The following OPCML variants were observed in gnomAD, a reference collection of about 807,000 sequenced individuals.
OPCML encodes the protein opioid-binding protein/cell adhesion molecule.
A neutral mutation model predicts 37.8 loss-of-function variants in OPCML; 13 were observed. The ratio of observed to expected loss-of-function variants is 0.34; its 90% CI spans 0.22 to 0.55. OPCML has a LOEUF of 0.55. OPCML is among the 20% of genes least tolerant of loss of function. The pLI, the probability that OPCML is intolerant of heterozygous loss-of-function variation, is 0.91. For missense variants in OPCML, 341 were observed against 435.6 expected (o/e 0.78, Z 1.93); for synonymous variants, 176 against 168.8 (o/e 1.04, Z -0.33).
At position 132,496,265 on chromosome 11, in the gene OPCML, G is replaced by T. The variant is rs181781623; in HGVS notation, c.505+32796C>A. Among the ~76,000 whole-genome samples the T allele has an allele frequency of 3.6e-3, 547 of 152,314 alleles. 1 individual carries two copies. The highest frequency in any genetic ancestry group is 5.9e-3 in the Non-Finnish European group (399 of 68,032). On this transcript the variant is annotated intron_variant, in intron 4 of 7. Transcript: ENST00000524381. ...TGAAAGTGGTCTCAAGAGTAAAAGTGCTATATGTCTGAAGGGGGAGATGTT... is the reference window on the plus strand; with the variant it reads ...TGAAAGTGGTCTCAAGAGTAAAAGTTCTATATGTCTGAAGGGGGAGATGTT...
intron 2 of OPCML, among the ~76,000 whole-genome samples, chr11:132,819,266 A>C (rs543923352): frequency 6.6e-6 from 1 of 152,202 alleles, no homozygotes; most frequent in South Asian, 2.1e-4. Context: ...ATAATTGAAC[A>C]GGGGAAAAGA....
chr11:133,220,619 A>T (rs1285954819), intron 1 of OPCML, among the ~76,000 whole-genome samples: 2 of 152,154 alleles, frequency 1.3e-5, no homozygotes, highest in Non-Finnish European at 2.9e-5. Context: ...TGTGGTAGCA[A>T]ATGCTCCGTG....
intron 1 of OPCML, among the ~76,000 whole-genome samples, chr11:133,405,449 G>C (rs1045982783): frequency 6.6e-6 from 1 of 152,146 alleles, no homozygotes; most frequent in African/African-American, 2.4e-5. Flanking sequence ...TTTGTGATCT[G>C]TATGTTTAAT....
At chr11:133,255,121 T>C (rs1028197327) in intron 1 of OPCML, among the ~76,000 whole-genome samples, 29 of 152,204 alleles carry the variant, frequency 1.9e-4, no homozygotes, top group Admixed American at 1.3e-4. Context: ...TACACTAACA[T>C]AACTCAACTC....
At chr11:132,846,333 C>T (rs1355425712) in intron 2 of OPCML, among the ~76,000 whole-genome samples, 1 of 152,184 alleles carries the variant, frequency 6.6e-6, no homozygotes, top group Non-Finnish European at 1.5e-5. Context: ...CCTGAAAACA[C>T]TGGTATAAAC....
At chr11:132,977,471 C>T (rs1946489133) in intron 1 of OPCML, among the ~76,000 whole-genome samples, 1 of 152,238 alleles carries the variant, frequency 6.6e-6, no homozygotes, top group Non-Finnish European at 1.5e-5. Context: ...ACTCATATCG[C>T]AGTCACAAAA....
intron 1 of OPCML, among the ~76,000 whole-genome samples, chr11:133,382,728 C>A (rs970465030): frequency 6.6e-6 from 1 of 152,186 alleles, no homozygotes; most frequent in African/African-American, 2.4e-5. Context: ...GCAACGAGGG[C>A]TTTTCCTCCC....
At chr11:133,052,477 CTG>C (rs1948149447) in intron 1 of OPCML, among the ~76,000 whole-genome samples, 1 of 152,210 alleles carries the variant, frequency 6.6e-6, no homozygotes, top group Non-Finnish European at 1.5e-5. Flanking sequence ...TATCTTGACA[CTG>C]TCTGCAGGAG....
At chr11:132,503,280 G>T (rs528840400) in intron 4 of OPCML, among the ~76,000 whole-genome samples, 7 of 152,034 alleles carry the variant, frequency 4.6e-5, no homozygotes, top group Non-Finnish European at 7.4e-5. Flanking sequence ...TATCTCAAAG[G>T]TTCTCCTTGG....
At chr11:132,803,779 A>C (rs1371655295) in intron 2 of OPCML, among the ~76,000 whole-genome samples, 1 of 152,214 alleles carries the variant, frequency 6.6e-6, no homozygotes, top group Non-Finnish European at 1.5e-5. Flanking sequence ...TTAGGCATTC[A>C]ATTAATCTGT....
chr11:132,675,055 G>A (rs1022096850), intron 2 of OPCML, among the ~76,000 whole-genome samples: 2 of 151,874 alleles, frequency 1.3e-5, no homozygotes, highest in Non-Finnish European at 2.9e-5. Flanking sequence ...AGAAAGACAG[G>A]CCATCTAGAC....
chr11:133,333,285 C>T (rs1943666033), intron 1 of OPCML, among the ~76,000 whole-genome samples: 2 of 152,222 alleles, frequency 1.3e-5, no homozygotes, highest in African/African-American at 4.8e-5. Context: ...TCTCAAACTC[C>T]TAACCTCAGG....
chr11:133,026,358 C>T, intron 1 of OPCML: 1 of 982,294 alleles, frequency 1.0e-6, no homozygotes, highest in Non-Finnish European at 1.2e-6. Context: ...ACGCGTAATA[C>T]CCTGAAGGGT....
intron 4 of OPCML, among the ~76,000 whole-genome samples, chr11:132,492,166 A>G (rs2096218115): frequency 6.6e-6 from 1 of 152,038 alleles, no homozygotes; most frequent in African/African-American, 2.4e-5. Flanking sequence ...AATGGCCAGG[A>G]CACATGGGGT....
chr11:133,350,412 T>C (rs956945755), intron 1 of OPCML, among the ~76,000 whole-genome samples: 1 of 152,186 alleles, frequency 6.6e-6, no homozygotes, highest in Admixed American at 6.5e-5. Context: ...CCAGACTTTC[T>C]TCCCTGCTTG....
chr11:132,889,446 C>T (rs1565939903), intron 2 of OPCML, among the ~76,000 whole-genome samples: 2 of 152,156 alleles, frequency 1.3e-5, no homozygotes, highest in Non-Finnish European at 2.9e-5. Context: ...AATGCCCCAC[C>T]CACATAGTCA....
At chr11:132,520,581 C>T (rs1410285831) in intron 4 of OPCML, among the ~76,000 whole-genome samples, 7 of 151,516 alleles carry the variant, frequency 4.6e-5, no homozygotes, top group South Asian at 2.1e-4. Context: ...AAATAATTGT[C>T]GATCCACAGG....
At chr11:133,020,208 C>T (rs978803884) in intron 1 of OPCML, among the ~76,000 whole-genome samples, 4 of 152,178 alleles carry the variant, frequency 2.6e-5, no homozygotes, top group Non-Finnish European at 5.9e-5. Context: ...CATAAATATA[C>T]GTAGAAAGAC....
intron 1 of OPCML, chr11:133,117,887 A>G (rs1021967785): frequency 6.1e-6 from 6 of 985,048 alleles, no homozygotes; most frequent in Non-Finnish European, 7.2e-6. Context: ...GCAGCACTTT[A>G]TCAAATGAAG....
Sources: gnomAD v4.1 joint callset for allele counts (sites outside exome capture counted in the v4.1 genomes callset) on GRCh38, gnomAD v4.1.1 for gene constraint, MANE v1.5 for transcripts, NCBI Gene and HGNC (gene_info 2026-07-23, HGNC 2026-07-21) for gene names.